RPGRIP1: variants seen among roughly 807,000 people sequenced by gnomAD.
RPGRIP1 encodes the protein RPGR interacting protein 1.
A neutral mutation model predicts 157.9 loss-of-function variants in RPGRIP1; 128 were observed. The observed-to-expected ratio is 0.81, with a 90% CI of 0.70 to 0.94. The LOEUF is 0.94. Ranked by LOEUF, RPGRIP1 falls within the 40% of genes least tolerant of loss-of-function variation. The pLI, the probability that RPGRIP1 is intolerant of heterozygous loss-of-function variation, is 0.00. For missense variants in RPGRIP1, 1,486 were observed against 1,545.8 expected, an observed-to-expected ratio of 0.96 and a Z score of 0.65; for synonymous variants, 554 against 571.6, an observed-to-expected ratio of 0.97 and a Z score of 0.44.
intron 17 of RPGRIP1, 113 bp downstream of exon 17, chr14:21,326,286 G>T (rs1385413390): frequency 2.9e-6 from 2 of 684,508 alleles, no homozygotes; most frequent in East Asian, 2.7e-5. Flanking sequence ...AAAACCTGAA[G>T]ATAAAGGATT....
rs1399409128 is a variant in RPGRIP1, at chr14:21,288,028, G to A, written c.52G>A (p.Asp18Asn). ...AGGAGACTTGCCAGTTAGAGACATA[G>A]ATGCTATACCTCTGGTGCTACCAGC... ...TSGDLPVRDI[D>N]AIPLVLPASK... The change falls in exon 2 of 25, where the codon GAT becomes AAT. Residue 18 changes from aspartate to asparagine, a missense_variant. By Grantham distance (23) the Asp-to-Asn change is conservative. Coordinates refer to ENST00000400017, the MANE Select transcript of RPGRIP1 (RefSeq NM_020366.4). 2 of 1,613,338 alleles carry A rather than the reference G, an allele frequency of 1.2e-6. No individual in the cohort carries two copies. The highest frequency in any genetic ancestry group is 2.7e-5 in the African/African-American group (2 of 74,902).
chr14:21,311,002 G>C (rs2139174029), intron 8 of RPGRIP1: 1 of 490,032 alleles, frequency 2.0e-6, no homozygotes, highest in Middle Eastern at 3.2e-4. Context: ...ACTGTGAGTG[G>C]GCTGCATGTG....
chr14:21,339,810 G>A (rs1270967015), intron 21 of RPGRIP1, among the ~76,000 whole-genome samples: 1 of 152,130 alleles, frequency 6.6e-6, no homozygotes, highest in African/African-American at 2.4e-5. Flanking sequence ...TTTAGTAACT[G>A]CCGGGCTCTG....
chr14:21,294,614 A>G (rs1366308319), intron 2 of RPGRIP1, 63 bp from the exon 3 acceptor site: 1 of 1,518,004 alleles, frequency 6.6e-7, no homozygotes, highest in Admixed American at 1.7e-5. Context: ...GTGATGAGAC[A>G]TCTAAAGGGT....
chr14:21,325,456 C>A (rs963159139), intron 16 of RPGRIP1, 73 bp downstream of exon 16: 2 of 1,368,690 alleles, frequency 1.5e-6, no homozygotes, highest in Non-Finnish European at 2.0e-6. Flanking sequence ...GTTCAGTCTT[C>A]CACTCTCAAT....
chr14:21,300,034 G>C (rs370909088), intron 3 of RPGRIP1, among the ~76,000 whole-genome samples: 1 of 152,160 alleles, frequency 6.6e-6, no homozygotes, highest in Non-Finnish European at 1.5e-5. Context: ...GGTGGCTCAC[G>C]CATGTAATCC....
intron 3 of RPGRIP1, among the ~76,000 whole-genome samples, chr14:21,295,703 T>C (rs1218175232): frequency 6.6e-6 from 1 of 151,960 alleles, no homozygotes; most frequent in Admixed American, 6.6e-5. Context: ...CTTGAACTCT[T>C]GACCTCAGGT....
At chr14:21,320,295 A>G in intron 12 of RPGRIP1, 118 bp downstream of exon 12, 1 of 993,546 alleles carries the variant, frequency 1.0e-6, no homozygotes, top group South Asian at 1.6e-5. Flanking sequence ...GACTGAGGAC[A>G]CTCTTTTTTT....
At chr14:21,283,342 G>A (rs550517283) in intron 1 of RPGRIP1, among the ~76,000 whole-genome samples, 4 of 151,856 alleles carry the variant, frequency 2.6e-5, no homozygotes, top group Non-Finnish European at 5.9e-5. Flanking sequence ...TCACACTGTC[G>A]CCCAGGCTGG....
At position 21,327,327 on chromosome 14, in the gene RPGRIP1, C is replaced by G. The variant is rs1056592558; in HGVS notation, c.2711-296C>G. Among the ~76,000 whole-genome samples, 25 of 152,144 alleles carry G rather than the reference C, an allele frequency of 1.6e-4. 1 individual carries two copies. The highest frequency in any genetic ancestry group is 4.6e-4 in the African/African-American group (19 of 41,426). Reference sequence around the variant, plus strand: ...TTGATAATAGTAATAATAATGCAGCCTTGTTCATTGGCTGGATGACTGATG... The same window carrying G: ...TTGATAATAGTAATAATAATGCAGCGTTGTTCATTGGCTGGATGACTGATG... On this transcript the variant is annotated intron_variant, in intron 17 of 24. Coordinates refer to ENST00000400017, the MANE Select transcript of RPGRIP1 (RefSeq NM_020366.4).
chr14:21,308,861 T>C (rs1881429134), intron 7 of RPGRIP1, among the ~76,000 whole-genome samples: 1 of 152,156 alleles, frequency 6.6e-6, no homozygotes, highest in Admixed American at 6.5e-5. Flanking sequence ...ATGTCACTCA[T>C]GTAGCCTGTG....
At chr14:21,282,889 C>T (rs547929353) in intron 1 of RPGRIP1, among the ~76,000 whole-genome samples, 4 of 152,238 alleles carry the variant, frequency 2.6e-5, no homozygotes, top group East Asian at 3.9e-4. Context: ...GGATTACAGG[C>T]GTGAGCCACT....
rs192308122 is a variant in RPGRIP1 at position 21,293,857 on chromosome 14, C to T, written c.86-820C>T. 6.7e-5 allele frequency among the ~76,000 whole-genome samples: 10 copies of T among 150,164 alleles called. No individual in the cohort carries two copies. In the East Asian group the frequency reaches 1.8e-3, roughly 26 times the overall value. On this transcript the variant is annotated intron_variant, in intron 2 of 24. Coordinates refer to ENST00000400017, the MANE Select transcript of RPGRIP1 (RefSeq NM_020366.4). ...TGGCGCCACTGCACTCCAGCCTGGGCGAGAGTGCGAGACTCCGTCTCTTAA... is the reference window on the plus strand; with the variant it reads ...TGGCGCCACTGCACTCCAGCCTGGGTGAGAGTGCGAGACTCCGTCTCTTAA...
At chr14:21,309,950 T>TG (rs1210147533) in intron 7 of RPGRIP1, among the ~76,000 whole-genome samples, 3 of 146,416 alleles carry the variant, frequency 2.0e-5, no homozygotes, top group Admixed American at 1.4e-4. Context: ...TTAGGTGTGG[T>TG]GGGGGGCACC....
At chr14:21,329,776 G>A (rs569696518) in intron 19 of RPGRIP1, among the ~76,000 whole-genome samples, 17 of 150,856 alleles carry the variant, frequency 1.1e-4, no homozygotes, top group Admixed American at 2.6e-4. Flanking sequence ...GATTATAGGC[G>A]TGAGCCACCA....
chr14:21,335,736 CAGG>C (rs1884290226), intron 21 of RPGRIP1, among the ~76,000 whole-genome samples: 1 of 151,114 alleles, frequency 6.6e-6, no homozygotes, highest in South Asian at 2.1e-4. Flanking sequence ...GAGGCTGAGG[CAGG>C]AGAATGGCGT....
At chr14:21,302,363 T>G in intron 4 of RPGRIP1, 125 bp from the exon 5 acceptor site, 1 of 457,422 alleles carries the variant, frequency 2.2e-6, no homozygotes, top group Non-Finnish European at 3.7e-6. Context: ...CGGGGACCAT[T>G]TGTCATACAA....
chr14:21,311,322 C>T (rs186158026), intron 8 of RPGRIP1, among the ~76,000 whole-genome samples: 40 of 152,246 alleles, frequency 2.6e-4, no homozygotes, highest in African/African-American at 8.7e-4. Flanking sequence ...GAGGCGGAGG[C>T]GGGTGGATGA....
chr14:21,317,435 T>C (rs1411334799), intron 10 of RPGRIP1: 1 of 748,906 alleles, frequency 1.3e-6, no homozygotes, highest in Non-Finnish European at 2.1e-6. Flanking sequence ...GAGAAGTTCC[T>C]TGGGAAATGG....
Sources: allele counts gnomAD v4.1 joint callset (sites outside exome capture counted in the v4.1 genomes callset), GRCh38; gene constraint gnomAD v4.1.1; transcripts MANE v1.5; gene names NCBI Gene and HGNC (gene_info 2026-07-23, HGNC 2026-07-21).